The following TMEM163 variants were observed in gnomAD, a reference collection of about 807,000 sequenced individuals.
The protein encoded by TMEM163 is transmembrane protein 163.
A neutral mutation model predicts 29.3 loss-of-function variants in TMEM163; 17 were observed. The ratio of observed to expected loss-of-function variants is 0.58; its 90% CI spans 0.40 to 0.87. The LOEUF is 0.87. Among genes scored for constraint, TMEM163 ranks in the 40% least tolerant of loss-of-function variants. TMEM163 has a pLI of 0.00. For missense variants in TMEM163, 303 were observed against 381.5 expected, an observed-to-expected ratio of 0.79 and a Z score of 1.71; for synonymous variants, 157 against 160.6, an observed-to-expected ratio of 0.98 and a Z score of 0.17.
chr2:134,692,196 C>T (rs944469265), intron 2 of TMEM163, among the ~76,000 whole-genome samples: 1 of 152,106 alleles, frequency 6.6e-6, no homozygotes, highest in Non-Finnish European at 1.5e-5. Context: ...TTCCCTACAC[C>T]TCTGCAGGAG....
chr2:134,588,665 G>A (rs1681872591), intron 2 of TMEM163, among the ~76,000 whole-genome samples: 1 of 152,166 alleles, frequency 6.6e-6, no homozygotes, highest in Non-Finnish European at 1.5e-5. Flanking sequence ...GATGGGGTAA[G>A]AGGAAACTAA....
chr2:134,560,827 G>C (rs1467747902), intron 2 of TMEM163, among the ~76,000 whole-genome samples: 1 of 152,184 alleles, frequency 6.6e-6, no homozygotes, highest in Non-Finnish European at 1.5e-5. Context: ...CATGACCCCC[G>C]TTCCAAAGCA....
rs779123602 is a variant in TMEM163, at chr2:134,718,787, C to G, written c.149G>C (p.Arg50Pro). 1.7e-6 allele frequency: 2 copies of G among 1,150,292 alleles called. No individual in the cohort carries two copies. Among genetic ancestry groups the G allele is most frequent in the South Asian group, 8.4e-5 (2 of 23,726 alleles). The allele number at this position is 1,150,292 out of a possible 1,614,324, so 71.3% of individuals were successfully genotyped here. Residue 50 changes from arginine to proline, a missense_variant, in exon 1 of 8, where the codon CGG becomes CCG. By Grantham distance (103) the Arg-to-Pro change is moderately radical. Transcript: ENST00000281924. ...GCCGCTCTCGCTGATCCGCACCTGC[C>G]GCTCCTCCTCCAGCTGGGGCGGCTC... ...VREPPQLEEE[R>P]QVRISESGQF... is the part of the protein sequence containing the mutation.
intron 2 of TMEM163, among the ~76,000 whole-genome samples, chr2:134,658,772 T>C (rs1217527906): frequency 6.6e-6 from 1 of 152,124 alleles, no homozygotes; most frequent in Non-Finnish European, 1.5e-5. Flanking sequence ...TAATTTTGTA[T>C]ATTTTTAGTA....
chr2:134,558,321 G>T (rs1369219466), intron 2 of TMEM163, among the ~76,000 whole-genome samples: 1 of 152,154 alleles, frequency 6.6e-6, no homozygotes, highest in East Asian at 1.9e-4. Flanking sequence ...CTCCCAGGAT[G>T]CTGCGTGTCA....
chr2:134,464,219 C>T (rs1334207098), intron 6 of TMEM163, among the ~76,000 whole-genome samples: 1 of 152,158 alleles, frequency 6.6e-6, no homozygotes, highest in Non-Finnish European at 1.5e-5. Context: ...ACATGGCATG[C>T]AGGAGTGCTG....
chr2:134,633,448 C>T (rs998303080), intron 2 of TMEM163, among the ~76,000 whole-genome samples: 2 of 152,130 alleles, frequency 1.3e-5, no homozygotes, highest in African/African-American at 4.8e-5. Flanking sequence ...AGAGGAAGAA[C>T]TAATCCTAGG....
intron 6 of TMEM163, among the ~76,000 whole-genome samples, chr2:134,465,082 T>G (rs1448293975): frequency 1.3e-5 from 2 of 151,062 alleles, no homozygotes; most frequent in Non-Finnish European, 2.9e-5. Flanking sequence ...CCGGGCACGG[T>G]GGCTCACACC....
chr2:134,690,740 G>T (rs1684446979), intron 2 of TMEM163, among the ~76,000 whole-genome samples: 1 of 152,300 alleles, frequency 6.6e-6, no homozygotes, highest in Middle Eastern at 3.4e-3. Context: ...CATGACTTTG[G>T]CTTTCTTTAC....
intron 2 of TMEM163, among the ~76,000 whole-genome samples, chr2:134,604,892 A>G (rs1175883028): frequency 6.6e-6 from 1 of 152,140 alleles, no homozygotes; most frequent in African/African-American, 2.4e-5. Flanking sequence ...TAAGAACACA[A>G]TCCTTGGCCA....
intron 2 of TMEM163, among the ~76,000 whole-genome samples, chr2:134,622,321 A>G (rs187217792): frequency 4.3e-4 from 65 of 152,340 alleles, no homozygotes; most frequent in African/African-American, 1.4e-3. Context: ...AATTCAGCAA[A>G]TATGTTTGCT....
At chr2:134,665,991 G>A (rs1466602405) in intron 2 of TMEM163, among the ~76,000 whole-genome samples, 6 of 152,176 alleles carry the variant, frequency 3.9e-5, no homozygotes, top group African/African-American at 1.2e-4. Context: ...CTTTCTTAAT[G>A]ATGTGTGTTT....
chr2:134,718,198 G>C (rs1371734963), intron 1 of TMEM163, among the ~76,000 whole-genome samples: 2 of 152,244 alleles, frequency 1.3e-5, no homozygotes, highest in Non-Finnish European at 2.9e-5. Context: ...ACCAGAGGCC[G>C]CCCGAGTCCC....
intron 2 of TMEM163, among the ~76,000 whole-genome samples, chr2:134,642,421 C>T (rs1683241702): frequency 3.3e-5 from 5 of 152,244 alleles, no homozygotes; most frequent in South Asian, 2.1e-4. Context: ...CGAGCCACCG[C>T]GAACGGCCAC....
intron 5 of TMEM163, among the ~76,000 whole-genome samples, chr2:134,483,605 C>T (rs1274395254): frequency 2.0e-5 from 3 of 152,104 alleles, no homozygotes; most frequent in Non-Finnish European, 2.9e-5. Flanking sequence ...AAGACCCCTG[C>T]GAGGTGGAAA....
intron 2 of TMEM163, among the ~76,000 whole-genome samples, chr2:134,566,255 C>T (rs949470962): frequency 2.0e-5 from 3 of 151,976 alleles, no homozygotes; most frequent in South Asian, 2.1e-4. Context: ...AATGAAGATC[C>T]GTCCCATTTC....
At chr2:134,597,097 C>A (rs1360965448) in intron 2 of TMEM163, among the ~76,000 whole-genome samples, 1 of 152,082 alleles carries the variant, frequency 6.6e-6, no homozygotes, top group Non-Finnish European at 1.5e-5. Context: ...TAATTGAATA[C>A]CCTTTATTTC....
chr2:134,589,582 T>C (rs1291577754), intron 2 of TMEM163, among the ~76,000 whole-genome samples: 3 of 152,148 alleles, frequency 2.0e-5, no homozygotes, highest in East Asian at 3.8e-4. Flanking sequence ...AGTTACCCTA[T>C]AAGGTCTAAA....
At chr2:134,482,844 G>T (rs1367731251) in intron 5 of TMEM163, among the ~76,000 whole-genome samples, 3 of 152,186 alleles carry the variant, frequency 2.0e-5, no homozygotes, top group African/African-American at 7.2e-5. Flanking sequence ...TAGACAAGCA[G>T]GTGAGCAGCC....
Sources: gnomAD v4.1 joint callset for allele counts (sites outside exome capture counted in the v4.1 genomes callset) on GRCh38, gnomAD v4.1.1 for gene constraint, MANE v1.5 for transcripts, NCBI Gene and HGNC (gene_info 2026-07-23, HGNC 2026-07-21) for gene names.